ETV1: variants seen among roughly 807,000 people sequenced by gnomAD.
ETV1 encodes the protein ETS translocation variant 1.
In ETV1, 27 loss-of-function variants were observed where a neutral mutation model predicts 62.3. The observed-to-expected ratio is 0.43, with a 90% CI of 0.32 to 0.60. The LOEUF is 0.60. Ranked by LOEUF, ETV1 falls within the 20% of genes least tolerant of loss-of-function variation. ETV1 has a pLI of 0.06. For synonymous variants in ETV1, 222 were observed against 199.6 expected, an observed-to-expected ratio of 1.11 and a Z score of -0.94; for missense variants, 605 against 605.8, an observed-to-expected ratio of 1.00 and a Z score of 0.01.
At position 13,947,864 on chromosome 7, in the gene ETV1, A is replaced by G. The variant is rs925215560; in HGVS notation, c.236-8618T>C. ...AGATAAATAGTAAGACACAGTCCTT[A>G]TTATCAAGAGCTCATGGAAGTCCAA... On this transcript the variant is annotated intron_variant, in intron 6 of 13. Coordinates refer to ENST00000430479, the MANE Select transcript of ETV1 (RefSeq NM_004956.5). Among the ~76,000 whole-genome samples, 21 of 152,336 alleles carry G rather than the reference A, an allele frequency of 1.4e-4. 1 individual carries two copies. The East Asian group carries it at 4.1e-3, about 29-fold the overall frequency.
At chr7:13,976,512 G>A (rs1041611333) in intron 6 of ETV1, among the ~76,000 whole-genome samples, 1 of 152,060 alleles carries the variant, frequency 6.6e-6, no homozygotes, top group Non-Finnish European at 1.5e-5. Context: ...TGAAAACACT[G>A]CCCACAACAT....
At chr7:13,947,791 A>G (rs916404858) in intron 6 of ETV1, among the ~76,000 whole-genome samples, 1 of 152,210 alleles carries the variant, frequency 6.6e-6, no homozygotes, top group Non-Finnish European at 1.5e-5. Context: ...TGCCCCAGAC[A>G]CTACGGCAGG....
At chr7:13,952,585 G>T (rs2128473597) in intron 6 of ETV1, among the ~76,000 whole-genome samples, 1 of 152,148 alleles carries the variant, frequency 6.6e-6, no homozygotes, top group South Asian at 2.1e-4. Context: ...GTTAGAAAGA[G>T]GTACATGTAA....
At chr7:13,909,801 C>A (rs1783381108) in intron 10 of ETV1, 101 bp from the exon 11 acceptor site, 2 of 975,114 alleles carry the variant, frequency 2.1e-6, no homozygotes, top group Non-Finnish European at 3.2e-6. Context: ...GAAAATGACT[C>A]TGCCACCACC....
intron 11 of ETV1, chr7:13,907,985 T>C: frequency 2.7e-6 from 1 of 374,654 alleles, no homozygotes; most frequent in South Asian, 2.1e-5. Flanking sequence ...TCTCAGTTTT[T>C]CCTTCTGAGA....
At chr7:13,975,460 G>A (rs1055280497) in intron 6 of ETV1, among the ~76,000 whole-genome samples, 4 of 150,154 alleles carry the variant, frequency 2.7e-5, no homozygotes, top group Admixed American at 6.6e-5. Flanking sequence ...GCAGGAGAAT[G>A]GCTGAGGCAG....
At position 13,961,108 on chromosome 7, in the gene ETV1, T is replaced by C. The variant is rs117898735; in HGVS notation, c.235+16319A>G. ...CTGCAGTGAGCCATGATTGCCCCAC[T>C]GCACTCCAGCCTGGAAAACAGAGCA... On this transcript the variant is annotated intron_variant, in intron 6 of 13. Coordinates refer to ENST00000430479, the MANE Select transcript of ETV1 (RefSeq NM_004956.5). 6.6e-3 allele frequency among the ~76,000 whole-genome samples: 1,000 copies of C among 150,762 alleles called. 40 individuals are homozygous for C. The East Asian group carries it at 0.12, about 18-fold the overall frequency.
At chr7:13,985,966 T>G in intron 5 of ETV1, 1 of 669,610 alleles carries the variant, frequency 1.5e-6, no homozygotes, top group Non-Finnish European at 2.5e-6. Context: ...ATCCTTGCTC[T>G]ATTAAATAAA....
At chr7:13,977,516 G>C (rs1398853646) in intron 5 of ETV1, 36 bp from the exon 6 acceptor site, 1 of 1,390,490 alleles carries the variant, frequency 7.2e-7, no homozygotes, top group Non-Finnish European at 9.9e-7. Flanking sequence ...AAAATTAAGA[G>C]AGAAACTGCC....
chr7:13,985,412 A>T (rs1782450210), intron 5 of ETV1: 1 of 152,166 alleles, frequency 6.6e-6, no homozygotes, highest in Non-Finnish European at 1.5e-5. Flanking sequence ...AAGCTATTTA[A>T]CTTTAAAGAT....
intron 6 of ETV1, among the ~76,000 whole-genome samples, chr7:13,953,977 C>T (rs941836774): frequency 1.3e-5 from 2 of 152,148 alleles, no homozygotes; most frequent in African/African-American, 4.8e-5. Flanking sequence ...AACACAGGAG[C>T]TCCACCTTAA....
rs1781511539 is a variant in ETV1 at position 13,893,394 on chromosome 7, T to TATTTTCAAA, written c.*2471_*2472insTTTGAAAAT. ...ATACATTTTTCAAAAGAGTTTATAA[T>TATTTTCAAA]GTAATATTTTCAACCCTTCTGTATT... On this transcript the variant is annotated 3_prime_UTR_variant, in exon 14 of 14. Coordinates refer to ENST00000430479, the MANE Select transcript of ETV1 (RefSeq NM_004956.5). The TATTTTCAAA allele has an allele frequency of 4.3e-6, 1 of 230,752 alleles. No individual in the cohort carries two copies. The highest frequency in any genetic ancestry group is 5.6e-5 in the Admixed American group (1 of 17,712). 14.3% of individuals were successfully genotyped at this position (230,752 alleles called of 1,614,324 possible).
chr7:13,908,993 T>A (rs1251409253), intron 11 of ETV1, among the ~76,000 whole-genome samples: 2 of 151,956 alleles, frequency 1.3e-5, no homozygotes, highest in African/African-American at 4.8e-5. Context: ...AAAAAAAAAA[T>A]TCAATTTAAC....
intron 6 of ETV1, among the ~76,000 whole-genome samples, chr7:13,961,932 G>A (rs1313839682): frequency 6.6e-6 from 1 of 152,080 alleles, no homozygotes; most frequent in East Asian, 1.9e-4. Context: ...ACTATTTACA[G>A]TATGTGTAGA....
At chr7:13,969,043 T>C (rs1016978361) in intron 6 of ETV1, among the ~76,000 whole-genome samples, 5 of 152,206 alleles carry the variant, frequency 3.3e-5, no homozygotes, top group Admixed American at 6.5e-5. Flanking sequence ...GCTGCTGGGC[T>C]TTGTGACAGA....
intron 9 of ETV1, among the ~76,000 whole-genome samples, chr7:13,925,420 C>T (rs1785295772): frequency 6.6e-6 from 1 of 152,122 alleles, no homozygotes; most frequent in Non-Finnish European, 1.5e-5. Context: ...ATTTTCCCTC[C>T]CTCCTCTAAG....
Position 13,971,026 on chromosome 7 carries a change from C to T in ETV1, c.235+6401G>A, listed in dbSNP as rs113506188. Among the ~76,000 whole-genome samples the T allele has an allele frequency of 5.0e-3, 761 of 152,150 alleles. 6 individuals are homozygous for T. Among genetic ancestry groups the T allele is most frequent in the African/African-American group, 0.017 (709 of 41,484 alleles). The stretch of plus-strand genomic sequence containing the variant: ...TTACTCTGTCACCCAGGCTGGAGTG[C>T]GATGGCACGATCTTGGCTCACGGCA... On this transcript the variant is annotated intron_variant, in intron 6 of 13. Transcript: ENST00000430479.
chr7:13,905,058 T>C (rs962302730), intron 12 of ETV1, among the ~76,000 whole-genome samples: 1 of 151,380 alleles, frequency 6.6e-6, no homozygotes, highest in Admixed American at 6.6e-5. Flanking sequence ...CTAGTGTTAC[T>C]AAAGTATTGA....
chr7:13,962,180 T>TACAC lies in ETV1; in HGVS notation c.235+15243_235+15246dup, dbSNP rs113827897. Among the ~76,000 whole-genome samples, 633 of 147,808 alleles carry TACAC rather than the reference T, an allele frequency of 4.3e-3. 3 individuals are homozygous for TACAC. The highest frequency in any genetic ancestry group is 0.014 in the African/African-American group (575 of 40,236). ...TCACATAAACATATACAATGTTATG[T>TACAC]ACACACACACACACACACACACGTG... On this transcript the variant is annotated intron_variant, in intron 6 of 13. Transcript: ENST00000430479.
Sources: allele counts gnomAD v4.1 joint callset (sites outside exome capture counted in the v4.1 genomes callset), GRCh38; gene constraint gnomAD v4.1.1; transcripts MANE v1.5; gene names NCBI Gene and HGNC (gene_info 2026-07-23, HGNC 2026-07-21).